Variants in WDR64 observed in about 807,000 individuals in gnomAD.
WDR64 encodes the protein WD repeat domain 64.
A neutral mutation model predicts 139.3 loss-of-function variants in WDR64; 112 were observed. The observed-to-expected ratio is 0.80, with a 90% CI of 0.69 to 0.94. The LOEUF (loss-of-function observed/expected upper bound fraction) is 0.94. WDR64 is among the 40% of genes least tolerant of loss of function. WDR64 has a pLI of 0.00. For missense variants in WDR64, 1,206 were observed against 1,293.1 expected (o/e 0.93, Z 1.03); for synonymous variants, 444 against 437.7 (o/e 1.01, Z -0.18).
intron 2 of WDR64, among the ~76,000 whole-genome samples, chr1:241,667,094 A>G (rs753918824): frequency 5.3e-5 from 8 of 152,226 alleles, no homozygotes; most frequent in Non-Finnish European, 8.8e-5. Context: ...CTCTTTGAGT[A>G]TGGGTATCAT....
intron 23 of WDR64, among the ~76,000 whole-genome samples, chr1:241,785,975 A>G (rs1173602591): frequency 6.6e-6 from 1 of 152,220 alleles, no homozygotes; most frequent in Admixed American, 6.5e-5. Flanking sequence ...GGAAACAAGG[A>G]GACTACAGTC....
At chr1:241,723,481 A>G (rs1454586326) in intron 10 of WDR64, 45 bp downstream of exon 10, 2 of 1,595,722 alleles carry the variant, frequency 1.3e-6, no homozygotes, top group East Asian at 4.5e-5. Context: ...TTTTCCGGAA[A>G]ATTATCTGTT....
chr1:241,726,321 G>C (rs1055276219), intron 10 of WDR64, among the ~76,000 whole-genome samples: 2 of 152,072 alleles, frequency 1.3e-5, no homozygotes, highest in South Asian at 2.1e-4. Flanking sequence ...TGTAATCCTG[G>C]CACTTTGGGA....
At chr1:241,735,533 C>CCCTTTTTTTTTTTTTTTTT (rs1237771842) in intron 10 of WDR64, among the ~76,000 whole-genome samples, 1,394 of 103,418 alleles carry the variant, frequency 0.013, 64 homozygotes, top group Admixed American at 0.021. Context: ...CTCTCTCTCT[C>CCCTTTTTTTTTTTTTTTTT]TTTTTTTTTT....
chr1:241,695,101 G>A (rs369528862), intron 8 of WDR64, among the ~76,000 whole-genome samples: 2 of 152,102 alleles, frequency 1.3e-5, no homozygotes, highest in African/African-American at 2.4e-5. Context: ...TCAAACCTAA[G>A]CCAAAAACAA....
chr1:241,782,033 TCCC>T (rs1292726790), intron 22 of WDR64, among the ~76,000 whole-genome samples: 1 of 152,204 alleles, frequency 6.6e-6, no homozygotes, highest in Non-Finnish European at 1.5e-5. Flanking sequence ...ACGCCTGTAA[TCCC>T]AGCACTTTGG....
Position 241,723,451 on chromosome 1 carries a change from A to G in WDR64, c.1194+15A>G. On this transcript the variant is annotated intron_variant, in intron 10 of 27. Transcript: ENST00000437684. ...CCTCTGCAAAGGTAACAAAAAGAAAATAACAAAACAAAACTAGTTTTTTCC... is the reference window on the plus strand; with the variant it reads ...CCTCTGCAAAGGTAACAAAAAGAAAGTAACAAAACAAAACTAGTTTTTTCC... The G allele has an allele frequency of 6.2e-7, 1 of 1,611,992 alleles. No homozygotes were observed. The highest frequency in any genetic ancestry group is 1.1e-5 in the South Asian group (1 of 90,732).
rs546649153 is a variant in WDR64, at chr1:241,687,413, C to T, written c.840-48C>T. On this transcript the variant is annotated intron_variant, in intron 7 of 27. Transcript: ENST00000437684. ...AATTGCTGAATAGAAACATATTATACGTTTGTGTGTCTAACATAAATCTCC... is the reference window on the plus strand; with the variant it reads ...AATTGCTGAATAGAAACATATTATATGTTTGTGTGTCTAACATAAATCTCC... 2.0e-5 allele frequency: 32 copies of T among 1,601,618 alleles called. No homozygotes were observed. The Admixed American group carries it at 2.1e-4, about 10-fold the overall frequency.
Position 241,660,515 on chromosome 1 carries a change from C to T in WDR64, c.146-15C>T. 1 of 1,550,006 alleles carries T rather than the reference C, an allele frequency of 6.5e-7. No individual in the cohort carries two copies. The highest frequency in any genetic ancestry group is 1.4e-5 in the African/African-American group (1 of 73,070). ...TGGAATTTGATGAAAATGGACTGTA[C>T]TTTTTTCAATGCAGATGCAATTGGT... On this transcript the variant is annotated splice_polypyrimidine_tract_variant and intron_variant, in intron 1 of 27. Coordinates refer to ENST00000437684, the MANE Select transcript of WDR64 (RefSeq NM_001367482.1).
intron 8 of WDR64, among the ~76,000 whole-genome samples, chr1:241,706,372 G>C (rs778714511): frequency 6.6e-6 from 1 of 152,230 alleles, no homozygotes; most frequent in African/African-American, 2.4e-5. Context: ...GAGGTGACAA[G>C]ATAAGACAGG....
chr1:241,698,985 A>T (rs1325215012), intron 8 of WDR64, among the ~76,000 whole-genome samples: 1 of 152,190 alleles, frequency 6.6e-6, no homozygotes, highest in Non-Finnish European at 1.5e-5. Flanking sequence ...CAGGAAAGAG[A>T]AGAATGAGAA....
intron 2 of WDR64, among the ~76,000 whole-genome samples, chr1:241,661,711 G>A (rs2148057436): frequency 6.6e-6 from 1 of 152,274 alleles, no homozygotes; most frequent in South Asian, 2.1e-4. Context: ...CCCCAGCAAA[G>A]TAAAGGTGGT....
intron 11 of WDR64, among the ~76,000 whole-genome samples, chr1:241,741,013 G>C (rs1441439899): frequency 1.3e-5 from 2 of 152,176 alleles, no homozygotes; most frequent in African/African-American, 4.8e-5. Context: ...GCACTGGCTT[G>C]TGATCATTCT....
At chr1:241,770,251 C>T (rs1658377561) in intron 17 of WDR64, among the ~76,000 whole-genome samples, 1 of 152,186 alleles carries the variant, frequency 6.6e-6, no homozygotes, top group African/African-American at 2.4e-5. Flanking sequence ...CTGGTGAGAA[C>T]TAGACATTGT....
intron 8 of WDR64, among the ~76,000 whole-genome samples, chr1:241,694,516 G>A (rs1193916089): frequency 6.6e-6 from 1 of 152,008 alleles, no homozygotes; most frequent in Non-Finnish European, 1.5e-5. Flanking sequence ...TTATACTCTT[G>A]CATTTTAAAG....
At chr1:241,707,418 T>A (rs895887261) in intron 8 of WDR64, among the ~76,000 whole-genome samples, 13 of 152,190 alleles carry the variant, frequency 8.5e-5, no homozygotes, top group South Asian at 2.1e-4. Context: ...TTCTTTGATA[T>A]GAAAAACTAA....
intron 14 of WDR64, among the ~76,000 whole-genome samples, chr1:241,755,689 T>TTAGGTCTTA (rs1294669383): frequency 1.3e-5 from 2 of 152,218 alleles, no homozygotes; most frequent in Non-Finnish European, 2.9e-5. Flanking sequence ...TTTTATGGTT[T>TTAGGTCTTA]TAGGTCTTAC....
intron 13 of WDR64, among the ~76,000 whole-genome samples, chr1:241,745,437 G>C (rs1669721906): frequency 6.6e-6 from 1 of 151,036 alleles, no homozygotes; most frequent in Non-Finnish European, 1.5e-5. Flanking sequence ...TGGTTGTTGA[G>C]ATTCTGAGCA....
intron 8 of WDR64, among the ~76,000 whole-genome samples, chr1:241,701,389 C>T (rs546491084): frequency 3.3e-5 from 5 of 152,250 alleles, no homozygotes; most frequent in South Asian, 2.1e-4. Flanking sequence ...TTGTAAGTTA[C>T]GTAATGGTAT....
Sources: allele counts gnomAD v4.1 joint callset (sites outside exome capture counted in the v4.1 genomes callset), GRCh38; gene constraint gnomAD v4.1.1; transcripts MANE v1.5; gene names NCBI Gene and HGNC (gene_info 2026-07-23, HGNC 2026-07-21).